Variants in CACNA2D3 observed in about 807,000 individuals in gnomAD.
CACNA2D3 encodes calcium voltage-gated channel auxiliary subunit alpha2delta 3.
CACNA2D3 carries 60 observed loss-of-function variants against 160.6 expected under a neutral mutation model. That is an observed-to-expected ratio of 0.37 (90% CI 0.30 to 0.46). CACNA2D3 has a LOEUF of 0.46. CACNA2D3 is among the 20% of genes least tolerant of loss of function. The pLI is 1.00. For synonymous variants in CACNA2D3, 558 were observed against 492.9 expected, an observed-to-expected ratio of 1.13 and a Z score of -1.75; for missense variants, 1,205 against 1,365.0, an observed-to-expected ratio of 0.88 and a Z score of 1.85.
intron 3 of CACNA2D3, among the ~76,000 whole-genome samples, chr3:54,374,800 TC>T (rs1399566713): frequency 6.6e-6 from 1 of 152,330 alleles, no homozygotes; most frequent in East Asian, 1.9e-4. Context: ...ATATTCCTCT[TC>T]CTAAATAACT....
chr3:54,704,703 T>A (rs1184087826), intron 11 of CACNA2D3, among the ~76,000 whole-genome samples: 1 of 152,128 alleles, frequency 6.6e-6, no homozygotes, highest in South Asian at 2.1e-4. Context: ...ATATACCCCA[T>A]CTAACATGAG....
At chr3:54,827,675 G>T (rs188966151) in intron 14 of CACNA2D3, among the ~76,000 whole-genome samples, 1 of 152,326 alleles carries the variant, frequency 6.6e-6, no homozygotes, top group East Asian at 1.9e-4. Context: ...TGAAGGAGCC[G>T]TGAGCAAGGA....
chr3:54,298,701 G>T (rs1278705859), intron 2 of CACNA2D3, among the ~76,000 whole-genome samples: 2 of 152,138 alleles, frequency 1.3e-5, no homozygotes, highest in Non-Finnish European at 2.9e-5. Flanking sequence ...AGCTACTCAG[G>T]AGGCTGAGGT....
intron 4 of CACNA2D3, among the ~76,000 whole-genome samples, chr3:54,453,395 G>A (rs1331974508): frequency 6.6e-6 from 1 of 152,166 alleles, no homozygotes; most frequent in Admixed American, 6.5e-5. Context: ...CAGTTTCCAA[G>A]TAAGGTCACA....
intron 11 of CACNA2D3, among the ~76,000 whole-genome samples, chr3:54,713,815 T>C (rs1224549794): frequency 6.6e-6 from 1 of 152,266 alleles, no homozygotes; most frequent in Non-Finnish European, 1.5e-5. Flanking sequence ...TAGAGTATTA[T>C]GTTCAAAATT....
At chr3:54,810,587 A>G (rs190052400) in intron 13 of CACNA2D3, among the ~76,000 whole-genome samples, 101 of 152,356 alleles carry the variant, frequency 6.6e-4, no homozygotes, top group African/African-American at 2.4e-3. Flanking sequence ...GCAAAGGGCC[A>G]GTTTTACAAA....
In CACNA2D3 at chr3:54,599,619, A is replaced by G. The variant is rs547552240; in HGVS notation, c.963+17742A>G. ...ACTAATTAATAAGGTGGGGGGGAGG[A>G]AAAAACCTCTGGTAGGCAAAACGGT... On this transcript the variant is annotated intron_variant, in intron 9 of 37. Coordinates refer to ENST00000474759, the MANE Select transcript of CACNA2D3 (RefSeq NM_018398.3). Among the ~76,000 whole-genome samples, 17 of 152,014 alleles carry G rather than the reference A, an allele frequency of 1.1e-4. No homozygotes were observed. The South Asian group carries it at 1.9e-3, about 17-fold the overall frequency.
intron 2 of CACNA2D3, among the ~76,000 whole-genome samples, chr3:54,294,317 A>T (rs1017732712): frequency 6.6e-6 from 1 of 152,212 alleles, no homozygotes; most frequent in Non-Finnish European, 1.5e-5. Context: ...GAAGCCTTGC[A>T]TAACAAATGG....
chr3:54,803,738 C>G (rs1376678622), intron 13 of CACNA2D3, among the ~76,000 whole-genome samples: 2 of 152,050 alleles, frequency 1.3e-5, no homozygotes, highest in East Asian at 1.9e-4. Flanking sequence ...AGAGCAACTC[C>G]AAGACACATA....
At chr3:54,473,153 C>G (rs537311057) in intron 4 of CACNA2D3, among the ~76,000 whole-genome samples, 53 of 152,224 alleles carry the variant, frequency 3.5e-4, no homozygotes, top group African/African-American at 1.2e-3. Context: ...CTACAGTAAC[C>G]AAAACAGCAT....
chr3:54,274,421 A>G (rs772656033), intron 2 of CACNA2D3, among the ~76,000 whole-genome samples: 6 of 151,980 alleles, frequency 3.9e-5, no homozygotes, highest in Non-Finnish European at 8.8e-5. Flanking sequence ...ACACCTTTTT[A>G]TATCATTATT....
chr3:54,531,620 G>A (rs1014386316), intron 5 of CACNA2D3, among the ~76,000 whole-genome samples: 21 of 152,304 alleles, frequency 1.4e-4, no homozygotes, highest in Admixed American at 3.3e-4. Flanking sequence ...CTCTTGCTGT[G>A]TGGCAGAGTC....
chr3:54,725,116 C>G (rs539884159), intron 11 of CACNA2D3, among the ~76,000 whole-genome samples: 1 of 152,280 alleles, frequency 6.6e-6, no homozygotes, highest in South Asian at 2.1e-4. Flanking sequence ...AAACTACCAT[C>G]AGAGAATACT....
intron 31 of CACNA2D3, among the ~76,000 whole-genome samples, chr3:55,000,706 G>C (rs1297908490): frequency 6.6e-6 from 1 of 152,208 alleles, no homozygotes; most frequent in African/African-American, 2.4e-5. Flanking sequence ...ATCTGTCAGA[G>C]TGGTTACCAT....
chr3:54,397,472 C>T lies in CACNA2D3; in HGVS notation c.381+10698C>T, dbSNP rs1429891046. 8.7e-4 allele frequency among the ~76,000 whole-genome samples: 98 copies of T among 112,170 alleles called. 1 individual carries two copies. The highest frequency in any genetic ancestry group is 3.4e-3 in the African/African-American group (94 of 27,798). The allele number at this position is 112,170 out of a possible 152,430, so 73.6% of individuals were successfully genotyped here. On this transcript the variant is annotated intron_variant, in intron 4 of 37. Coordinates refer to ENST00000474759, the MANE Select transcript of CACNA2D3 (RefSeq NM_018398.3). ...GGCATTTAGTGCTATAAATTTCCCT[C>T]TACACACTGCTTTGAATGCGTCCCA...
chr3:54,794,806 A>T (rs937156096), intron 13 of CACNA2D3, among the ~76,000 whole-genome samples: 3 of 151,898 alleles, frequency 2.0e-5, no homozygotes, highest in Non-Finnish European at 2.9e-5. Context: ...ATGTGCCTTT[A>T]TTTTATTAGC....
intron 35 of CACNA2D3, among the ~76,000 whole-genome samples, chr3:55,020,641 G>A (rs1703427165): frequency 6.6e-6 from 1 of 151,910 alleles, no homozygotes; most frequent in African/African-American, 2.4e-5. Context: ...CCTGAGGTCA[G>A]GAGTTTGAGA....
chr3:55,000,954 A>G (rs1426894880), intron 31 of CACNA2D3, among the ~76,000 whole-genome samples: 1 of 152,182 alleles, frequency 6.6e-6, no homozygotes, highest in African/African-American at 2.4e-5. Flanking sequence ...TTGGCCCCCT[A>G]CTAAATCTGG....
intron 2 of CACNA2D3, among the ~76,000 whole-genome samples, chr3:54,252,391 A>G (rs934870867): frequency 6.6e-6 from 1 of 152,148 alleles, no homozygotes; most frequent in African/African-American, 2.4e-5. Context: ...GTTGTGTCTC[A>G]TTTCTGTGGC....
Sources: allele counts gnomAD v4.1 joint callset (sites outside exome capture counted in the v4.1 genomes callset), GRCh38; gene constraint gnomAD v4.1.1; transcripts MANE v1.5; gene names NCBI Gene and HGNC (gene_info 2026-07-23, HGNC 2026-07-21).